Variants in CLASP1 observed in about 807,000 individuals in gnomAD.
The protein encoded by CLASP1 is CLIP-associating protein 1.
In CLASP1, 38 loss-of-function variants were observed where a neutral mutation model predicts 192.3. That is an observed-to-expected ratio of 0.20 (90% CI 0.15 to 0.26). The LOEUF is 0.26. Among genes scored for constraint, CLASP1 ranks in the 10% least tolerant of loss-of-function variants. The pLI, the probability that CLASP1 is intolerant of heterozygous loss-of-function variation, is 1.00. For missense variants in CLASP1, 1,433 were observed against 1,932.5 expected (o/e 0.74, Z 4.85); for synonymous variants, 691 against 712.8 (o/e 0.97, Z 0.49).
intron 8 of CLASP1, among the ~76,000 whole-genome samples, chr2:121,482,349 C>T (rs2092660308): frequency 6.6e-6 from 1 of 152,104 alleles, no homozygotes; most frequent in Non-Finnish European, 1.5e-5. Context: ...ACAAAGTCTC[C>T]AAGTCATGTC....
intron 34 of CLASP1, among the ~76,000 whole-genome samples, chr2:121,370,630 T>G (rs2068437615): frequency 6.6e-6 from 1 of 152,316 alleles, no homozygotes; most frequent in African/African-American, 2.4e-5. Flanking sequence ...TGGTCCATTC[T>G]TCGATTTTCA....
At chr2:121,645,300 A>G (rs1417824835) in intron 1 of CLASP1, among the ~76,000 whole-genome samples, 1 of 152,240 alleles carries the variant, frequency 6.6e-6, no homozygotes, top group Non-Finnish European at 1.5e-5. Flanking sequence ...CAGGAAGTAT[A>G]ACTAAGGTCA....
intron 2 of CLASP1, among the ~76,000 whole-genome samples, chr2:121,580,451 C>T (rs1054096260): frequency 1.2e-4 from 19 of 152,142 alleles, no homozygotes; most frequent in Non-Finnish European, 2.8e-4. Flanking sequence ...ATAATTTTAT[C>T]AATTAGATTA....
chr2:121,598,903 T>C (rs2063451870), intron 2 of CLASP1, among the ~76,000 whole-genome samples: 1 of 152,238 alleles, frequency 6.6e-6, no homozygotes, highest in African/African-American at 2.4e-5. Flanking sequence ...TCTCACTCTA[T>C]TGCCCAGGCT....
chr2:121,424,274 A>G (rs1001374191), intron 22 of CLASP1, among the ~76,000 whole-genome samples: 1 of 152,216 alleles, frequency 6.6e-6, no homozygotes, highest in Non-Finnish European at 1.5e-5. Flanking sequence ...CAGAATCTAA[A>G]TCTATCTCAT....
intron 34 of CLASP1, among the ~76,000 whole-genome samples, chr2:121,372,289 A>AC (rs558088537): frequency 6.6e-6 from 1 of 151,836 alleles, no homozygotes; most frequent in Non-Finnish European, 1.5e-5. Context: ...CTATGCCACC[A>AC]CCCTCTCCTG....
chr2:121,559,894 T>TC (rs1559613899), intron 2 of CLASP1, among the ~76,000 whole-genome samples: 112 of 151,812 alleles, frequency 7.4e-4, no homozygotes, highest in African/African-American at 1.5e-3. Context: ...TCATCATCAT[T>TC]ATCATCATCA....
intron 1 of CLASP1, among the ~76,000 whole-genome samples, chr2:121,636,870 T>A (rs900662157): frequency 2.0e-5 from 3 of 151,842 alleles, no homozygotes; most frequent in Non-Finnish European, 2.9e-5. Context: ...TAAAAAACTT[T>A]GAAGAACTTT....
intron 2 of CLASP1, among the ~76,000 whole-genome samples, chr2:121,544,863 G>A (rs962576313): frequency 1.1e-4 from 17 of 151,962 alleles, no homozygotes; most frequent in East Asian, 1.9e-4. Context: ...CAGAATGATG[G>A]CAGGGCACCT....
At chr2:121,451,809 G>C (rs1319404082) in exon 15 of CLASP1, 1 of 1,575,728 alleles carries the variant, frequency 6.3e-7, no homozygotes, top group Non-Finnish European at 8.6e-7. Context: ...GAATGTGTCT[G>C]CCATTCTTGT....
intron 2 of CLASP1, among the ~76,000 whole-genome samples, chr2:121,555,225 C>A (rs2058435702): frequency 6.6e-6 from 1 of 152,226 alleles, no homozygotes; most frequent in African/African-American, 2.4e-5. Context: ...CTCCCGTCTG[C>A]AGCACTGTGT....
In CLASP1 at chr2:121,398,308, A is replaced by G; in HGVS notation, c.2979+14T>C. Reference sequence around the variant, plus strand: ...AGTTCCAGGGTTGAATTGTAATGACAAATAATTACTGACCTTGAGGTTTGG... The same window carrying G: ...AGTTCCAGGGTTGAATTGTAATGACGAATAATTACTGACCTTGAGGTTTGG... On this transcript the variant is annotated intron_variant, in intron 29 of 39. Transcript: ENST00000263710. 2 of 1,572,972 alleles carry G rather than the reference A, an allele frequency of 1.3e-6. No homozygotes were observed. Among genetic ancestry groups the G allele is most frequent in the Non-Finnish European group, 1.7e-6 (2 of 1,153,400 alleles).
At chr2:121,498,442 G>A (rs10196213) in intron 8 of CLASP1, among the ~76,000 whole-genome samples, 158 of 152,124 alleles carry the variant, frequency 1.0e-3, no homozygotes, top group Non-Finnish European at 1.7e-3. Flanking sequence ...CCTAACCTCA[G>A]ATAATCTGCC....
At chr2:121,589,382 C>A (rs1300634572) in intron 2 of CLASP1, among the ~76,000 whole-genome samples, 1 of 152,198 alleles carries the variant, frequency 6.6e-6, no homozygotes, top group Non-Finnish European at 1.5e-5. Flanking sequence ...GTTATCCCAG[C>A]ACTTTGGGAG....
At chr2:121,399,712 C>T (rs1328888393) in intron 28 of CLASP1, among the ~76,000 whole-genome samples, 2 of 152,176 alleles carry the variant, frequency 1.3e-5, no homozygotes, top group African/African-American at 4.8e-5. Context: ...CTTAAAGGGG[C>T]ATCCAGGAAA....
chr2:121,470,228 C>G (rs557416186), intron 8 of CLASP1: 2 of 523,692 alleles, frequency 3.8e-6, no homozygotes, highest in African/African-American at 1.9e-5. Flanking sequence ...AGAAAACAAT[C>G]TCTCATAAAA....
chr2:121,567,938 T>C (rs756456208), intron 2 of CLASP1, among the ~76,000 whole-genome samples: 9 of 152,184 alleles, frequency 5.9e-5, no homozygotes, highest in Non-Finnish European at 1.2e-4. Flanking sequence ...CTAGATGGGG[T>C]TGGGAAGCTG....
chr2:121,457,853 C>T (rs1559279769), intron 13 of CLASP1, 96 bp from the exon 14 acceptor site: 4 of 744,078 alleles, frequency 5.4e-6, no homozygotes, highest in Non-Finnish European at 9.1e-6. Context: ...ACTTATAGCA[C>T]ATATATATTC....
At chr2:121,467,440 C>T (rs1290497357) in intron 9 of CLASP1, among the ~76,000 whole-genome samples, 3 of 152,152 alleles carry the variant, frequency 2.0e-5, no homozygotes, top group Non-Finnish European at 4.4e-5. Context: ...TGTAAAAGCA[C>T]TCCTTTTTCT....
Sources: gnomAD v4.1 joint callset for allele counts (sites outside exome capture counted in the v4.1 genomes callset) on GRCh38, gnomAD v4.1.1 for gene constraint, MANE v1.5 for transcripts, NCBI Gene and HGNC (gene_info 2026-07-23, HGNC 2026-07-21) for gene names.